Variants in GAB3 observed in about 807,000 individuals in gnomAD.
GAB3 encodes the protein GRB2 associated binding protein 3.
Under a neutral mutation model 40.4 loss-of-function variants are expected in GAB3, and 12 were observed. The observed-to-expected ratio is 0.30, with a 90% confidence interval of 0.19 to 0.48. GAB3 has a LOEUF of 0.48. Among genes scored for constraint, GAB3 ranks in the 20% least tolerant of loss-of-function variants. GAB3 has a pLI of 0.99. For missense variants in GAB3, 381 were observed against 461.9 expected (o/e 0.82, Z 1.61); for synonymous variants, 154 against 176.7 (o/e 0.87, Z 1.02).
At chrX:154,698,171 A>C (rs2148432411) in intron 6 of GAB3, among the ~76,000 whole-genome samples, 1 of 112,707 alleles carries the variant, frequency 8.9e-6, no homozygotes, top group South Asian at 3.6e-4. Context: ...AACATCACAG[A>C]AAGTTCTGTT....
chrX:154,694,122 C>T (rs1467009251), intron 8 of GAB3, among the ~76,000 whole-genome samples: 1 of 111,233 alleles, frequency 9.0e-6, no homozygotes, highest in Non-Finnish European at 1.9e-5. Context: ...TGTTATGTGG[C>T]ACAAGTGAAA....
chrX:154,704,725 T>A (rs1313032658), intron 4 of GAB3, among the ~76,000 whole-genome samples: 7 of 111,439 alleles, frequency 6.3e-5, no homozygotes, highest in African/African-American at 2.3e-4. Flanking sequence ...AATGCTCAGA[T>A]AAATAAAATT....
intron 1 of GAB3, among the ~76,000 whole-genome samples, chrX:154,717,246 A>T (rs1285234306): frequency 1.8e-5 from 2 of 111,093 alleles, no homozygotes; most frequent in African/African-American, 6.6e-5. Context: ...GGGTCAAGGG[A>T]TTTTTTAAAG....
chrX:154,733,510 T>A (rs2071322361), intron 1 of GAB3, among the ~76,000 whole-genome samples: 1 of 112,143 alleles, frequency 8.9e-6, no homozygotes, highest in Non-Finnish European at 1.9e-5. Context: ...GTTCAGCATA[T>A]AGGAGACACT....
In GAB3 at chrX:154,750,982, G is replaced by A; in HGVS notation, c.44C>T (p.Ser15Leu). 1 of 821,563 alleles carries A rather than the reference G, an allele frequency of 1.2e-6. No homozygotes were observed. The highest frequency in any genetic ancestry group is 1.5e-6 in the Non-Finnish European group (1 of 674,802). 67.7% of individuals were successfully genotyped at this position (821,563 alleles called of 1,213,427 possible). A position where few individuals can be genotyped will look rare whatever the true frequency, so the allele number is the denominator to read the frequency against. The change falls in exon 1 of 10, where the codon TCG (serine) becomes TTG (leucine). Residue 15 changes from serine (S) to leucine (L), a missense_variant. Around this residue, in one of 2 missense-constraint regions of GAB3, gnomAD observed 364 missense variants for 421.0 expected, o/e 0.86. Coordinates refer to ENST00000424127, the MANE Select transcript of GAB3 (RefSeq NM_001081573.3). Reference sequence around the variant, plus strand: ...GCGCTGTAGCTTCCTCTCGGGGGGCGACTTAACGAGCCAGCCGGTGCACAC... The same window carrying A: ...GCGCTGTAGCTTCCTCTCGGGGGGCAACTTAACGAGCCAGCCGGTGCACAC... The part of the protein sequence containing the change: ...DAVCTGWLVK[S>L]PPERKLQRYA...
chrX:154,682,212 A>G (rs1375625232), intron 8 of GAB3, among the ~76,000 whole-genome samples: 1 of 112,009 alleles, frequency 8.9e-6, no homozygotes, highest in Non-Finnish European at 1.9e-5. Flanking sequence ...ATCAATCTTG[A>G]TATCTTTTAT....
chrX:154,732,317 T>A lies in GAB3; in HGVS notation c.73-15988A>T, dbSNP rs143642340. On this transcript the variant is annotated intron_variant, in intron 1 of 9. Transcript: ENST00000424127. ...TAAAATACATGAATTTGGAAAGCATTCAGAAAACCTTGTATCTGGTGTTAT... is the reference window on the plus strand; with the variant it reads ...TAAAATACATGAATTTGGAAAGCATACAGAAAACCTTGTATCTGGTGTTAT... Among the ~76,000 whole-genome samples, 465 of 111,811 alleles carry A rather than the reference T, an allele frequency of 4.2e-3. 1 individual carries two copies. The highest frequency in any genetic ancestry group is 6.8e-3 in the Non-Finnish European group (362 of 53,140).
In GAB3 at chrX:154,688,289, T is replaced by G. The variant is rs782812148; in HGVS notation, c.1530+7628A>C. Among the ~76,000 whole-genome samples the G allele has an allele frequency of 1.5e-4, 16 of 109,199 alleles. No individual in the cohort carries two copies. The East Asian group carries it at 4.0e-3, about 27-fold the overall frequency. 94.8% of individuals were successfully genotyped at this position (109,199 alleles called of 115,157 possible). A position where few individuals can be genotyped will look rare whatever the true frequency, so the allele number is the denominator to read the frequency against. Reference sequence around the variant, plus strand: ...GGTTTTTTTTGTTTTGTTTTTGTTTTTTTTTTTTGAGACAGAGTCTTACTC... The same window carrying G: ...GGTTTTTTTTGTTTTGTTTTTGTTTGTTTTTTTTGAGACAGAGTCTTACTC... On this transcript the variant is annotated intron_variant, in intron 8 of 9. Coordinates refer to ENST00000424127, the MANE Select transcript of GAB3 (RefSeq NM_001081573.3).
intron 1 of GAB3, among the ~76,000 whole-genome samples, chrX:154,750,635 T>G (rs1245091420): frequency 8.9e-6 from 1 of 112,341 alleles, no homozygotes; most frequent in Non-Finnish European, 1.9e-5. Flanking sequence ...TTTCGAGATG[T>G]CTCCCTGGCC....
chrX:154,714,176 A>C (rs1282247629), intron 2 of GAB3, among the ~76,000 whole-genome samples: 1 of 111,167 alleles, frequency 9.0e-6, no homozygotes, highest in Non-Finnish European at 1.9e-5. Flanking sequence ...CCAGATCAGA[A>C]ACAGCCAATG....
At chrX:154,722,065 G>A (rs1447940430) in intron 1 of GAB3, among the ~76,000 whole-genome samples, 1 of 111,967 alleles carries the variant, frequency 8.9e-6, no homozygotes, top group Non-Finnish European at 1.9e-5. Flanking sequence ...AAGATATTGT[G>A]GCATGTGCAT....
chrX:154,741,607 C>T (rs781825537), intron 1 of GAB3, among the ~76,000 whole-genome samples: 14 of 95,506 alleles, frequency 1.5e-4, no homozygotes, highest in South Asian at 5.7e-4. Flanking sequence ...ACCTGGGAGG[C>T]GGAGCTTGCC....
rs983807473 is a variant in GAB3 at position 154,702,434 on chromosome X, C to T, written c.1070-2375G>A. 1.8e-4 allele frequency among the ~76,000 whole-genome samples: 20 copies of T among 111,946 alleles called. No individual in the cohort carries two copies. The South Asian group carries it at 6.9e-3, about 39-fold the overall frequency. ...CTACAAGAAAACATTAGGGAAAAAA[C>T]GCTAAGGCATCAAACTATAAAACTA... On this transcript the variant is annotated intron_variant, in intron 4 of 9. Transcript: ENST00000424127.
intron 8 of GAB3, among the ~76,000 whole-genome samples, chrX:154,690,262 T>A: frequency 9.0e-6 from 1 of 111,148 alleles, no homozygotes; most frequent in Middle Eastern, 4.6e-3. Context: ...ATACAAAAAT[T>A]AATTCAAGAT....
chrX:154,729,469 G>A (rs1337780204), intron 1 of GAB3, among the ~76,000 whole-genome samples: 1 of 111,611 alleles, frequency 9.0e-6, no homozygotes, highest in Non-Finnish European at 1.9e-5. Flanking sequence ...CCACCTGGAT[G>A]AGTTCGTAAC....
intron 4 of GAB3, among the ~76,000 whole-genome samples, chrX:154,707,422 T>C (rs1398294965): frequency 8.9e-6 from 1 of 112,591 alleles, no homozygotes; most frequent in Non-Finnish European, 1.9e-5. Context: ...TTCCATGATA[T>C]AGATGTATAT....
At chrX:154,682,926 T>C (rs2070394385) in intron 8 of GAB3, among the ~76,000 whole-genome samples, 2 of 111,512 alleles carry the variant, frequency 1.8e-5, no homozygotes. Flanking sequence ...TGCAGTGAGC[T>C]GAGATTGCAC....
At chrX:154,684,036 T>A (rs2070413240) in intron 8 of GAB3, among the ~76,000 whole-genome samples, 1 of 112,065 alleles carries the variant, frequency 8.9e-6, no homozygotes, top group South Asian at 3.7e-4. Flanking sequence ...ATCATTTGAG[T>A]TGTTTTCCCT....
chrX:154,724,666 C>T (rs1382060110), intron 1 of GAB3, among the ~76,000 whole-genome samples: 1 of 112,391 alleles, frequency 8.9e-6, no homozygotes, highest in African/African-American at 3.2e-5. Context: ...TTCTAGTCTC[C>T]TCCAGGAAGG....
Sources: allele counts gnomAD v4.1 joint callset (sites outside exome capture counted in the v4.1 genomes callset), GRCh38; gene constraint gnomAD v4.1.1; regional missense constraint gnomAD v4.1.1; transcripts MANE v1.5; gene names NCBI Gene and HGNC (gene_info 2026-07-23, HGNC 2026-07-21).